Variants in BICRA observed in about 807,000 individuals in gnomAD.
BICRA encodes BRD4 interacting chromatin remodeling complex associated protein.
Under a neutral mutation model 96.9 loss-of-function variants are expected in BICRA, and 31 were observed. The observed-to-expected ratio is 0.32, with a 90% confidence interval of 0.24 to 0.43. The LOEUF is 0.43. BICRA is among the 20% of genes least tolerant of loss of function. BICRA has a pLI of 1.00. For missense variants in BICRA, 2,283 were observed against 2,190.3 expected (o/e 1.04, Z -0.84); for synonymous variants, 1,350 against 1,071.8 (o/e 1.26, Z -5.07).
chr19:47,649,338 A>G (rs531775822), intron 1 of BICRA, among the ~76,000 whole-genome samples: 4 of 152,298 alleles, frequency 2.6e-5, no homozygotes, highest in Non-Finnish European at 5.9e-5. Flanking sequence ...GAGCGCTGTT[A>G]TATGCCCTCT....
chr19:47,624,326 C>A (rs1972108687), intron 1 of BICRA, among the ~76,000 whole-genome samples: 1 of 152,166 alleles, frequency 6.6e-6, no homozygotes, highest in African/African-American at 2.4e-5. Flanking sequence ...TCCCCTGCTA[C>A]AAGCATACCC....
intron 1 of BICRA, among the ~76,000 whole-genome samples, chr19:47,659,404 A>G (rs1017535664): frequency 3.9e-5 from 6 of 152,328 alleles, no homozygotes; most frequent in African/African-American, 1.4e-4. Flanking sequence ...CTAGCTTTAA[A>G]ATAGACACAT....
rs576415831 is a variant in BICRA, at chr19:47,667,084, T to C, written c.-107-3359T>C. Among the ~76,000 whole-genome samples the C allele has an allele frequency of 2.0e-3, 297 of 151,286 alleles. 1 individual carries two copies. The highest frequency in any genetic ancestry group is 6.8e-3 in the African/African-American group (282 of 41,202). On this transcript the variant is annotated intron_variant, in intron 1 of 14. Transcript: ENST00000594866. The stretch of plus-strand genomic sequence containing the variant: ...CCCAGGCTGGAGTGCAGTGGCACGA[T>C]CTCGGCTCACTGCAACCTCCGCCTC...
chr19:47,682,541 A>T (rs1263709115), intron 7 of BICRA, among the ~76,000 whole-genome samples: 2 of 152,198 alleles, frequency 1.3e-5, no homozygotes, highest in African/African-American at 4.8e-5. Flanking sequence ...TGCATTTGTT[A>T]TCTGGATAGG....
At chr19:47,661,707 A>G (rs534353154) in intron 1 of BICRA, 1 of 152,330 alleles carries the variant, frequency 6.6e-6, no homozygotes, top group African/African-American at 2.4e-5. Context: ...GTGGTCATGG[A>G]CAGGAGGGCA....
intron 7 of BICRA, among the ~76,000 whole-genome samples, chr19:47,693,824 A>T (rs1464423581): frequency 6.6e-6 from 1 of 152,118 alleles, no homozygotes; most frequent in African/African-American, 2.4e-5. Flanking sequence ...TGTCTGGGGA[A>T]CTGCGAGGGG....
Position 47,679,629 on chromosome 19 carries a change from T to C in BICRA, c.459T>C (p.Ala153=). Residue 153 remains alanine (A), a synonymous_variant, in exon 6 of 15, where the codon GCT becomes GCC. Coordinates refer to ENST00000594866, the MANE Select transcript of BICRA (RefSeq NM_001394372.1). ...GCGCTGGAGGGGCAGCGGCCGTGGC[T>C]GCGGGGCCCCAAGCCCTCTTCCCAG... ...PTGAGGAAAV[A]AGPQALFPGS... is the part of the protein sequence containing the mutation. The C allele has an allele frequency of 6.6e-7, 1 of 1,514,442 alleles. No individual in the cohort carries two copies. 93.8% of individuals were successfully genotyped at this position (1,514,442 alleles called of 1,614,324 possible).
At position 47,653,893 on chromosome 19, in the gene BICRA, C is replaced by T. The variant is rs376442844; in HGVS notation, c.-107-16550C>T. On this transcript the variant is annotated intron_variant, in intron 1 of 14. Coordinates refer to ENST00000594866, the MANE Select transcript of BICRA (RefSeq NM_001394372.1). Reference sequence around the variant, plus strand: ...TGTTGCCCAGGCTGGAGTGCAGTGGCGCAATCTCAGCTCACTGCAACCTGT... The same window carrying T: ...TGTTGCCCAGGCTGGAGTGCAGTGGTGCAATCTCAGCTCACTGCAACCTGT... Among the ~76,000 whole-genome samples, 14 of 152,120 alleles carry T rather than the reference C, an allele frequency of 9.2e-5. No homozygotes were observed. In the East Asian group the frequency reaches 1.5e-3, roughly 17 times the overall value.
At chr19:47,646,044 G>A (rs1183793490) in intron 1 of BICRA, among the ~76,000 whole-genome samples, 3 of 152,220 alleles carry the variant, frequency 2.0e-5, no homozygotes, top group Non-Finnish European at 4.4e-5. Context: ...GCTGCAGTGA[G>A]CCATGATTGT....
At chr19:47,644,297 T>G (rs1972425850) in intron 1 of BICRA, among the ~76,000 whole-genome samples, 1 of 152,036 alleles carries the variant, frequency 6.6e-6, no homozygotes, top group East Asian at 1.9e-4. Context: ...GGTGTTGGGA[T>G]TACAGGTGTG....
At chr19:47,665,885 TACAC>T (rs1413757406) in intron 1 of BICRA, among the ~76,000 whole-genome samples, 2 of 152,210 alleles carry the variant, frequency 1.3e-5, no homozygotes, top group African/African-American at 2.4e-5. Flanking sequence ...CCCTTCCAGA[TACAC>T]ACACAGGCCA....
At chr19:47,657,149 C>T (rs575909322) in intron 1 of BICRA, among the ~76,000 whole-genome samples, 68 of 152,252 alleles carry the variant, frequency 4.5e-4, no homozygotes, top group Non-Finnish European at 8.2e-4. Context: ...GCGTGAGCCA[C>T]TGCGCCGGGC....
At chr19:47,621,118 C>T (rs930252344) in intron 1 of BICRA, among the ~76,000 whole-genome samples, 4 of 152,084 alleles carry the variant, frequency 2.6e-5, no homozygotes, top group African/African-American at 7.2e-5. Flanking sequence ...GCGGGGAAAC[C>T]GAGGCTCCAT....
chr19:47,613,401 G>T (rs954649410), intron 1 of BICRA, among the ~76,000 whole-genome samples: 11 of 152,164 alleles, frequency 7.2e-5, no homozygotes, highest in Admixed American at 6.5e-4. Flanking sequence ...TTTCCAGGCC[G>T]CCTGGGCTTG....
chr19:47,620,676 A>AAAC (rs891908391), intron 1 of BICRA, among the ~76,000 whole-genome samples: 2 of 150,654 alleles, frequency 1.3e-5, no homozygotes, highest in Non-Finnish European at 3.0e-5. Context: ...TCAAAAAAAA[A>AAAC]AAAAAAAAAA....
intron 1 of BICRA, among the ~76,000 whole-genome samples, chr19:47,630,023 C>G (rs1972198129): frequency 6.6e-6 from 1 of 152,072 alleles, no homozygotes; most frequent in African/African-American, 2.4e-5. Context: ...TATTGTGTAA[C>G]TGTCACCATT....
rs1025025933 is a variant in BICRA at position 47,702,761 on chromosome 19, G to A, written c.*346G>A. The stretch of plus-strand genomic sequence containing the variant: ...CCAGGGATGGGGCCACCGGGTTGAT[G>A]CCAACGCTCCGGGTGCCTGTCTTGT... On this transcript the variant is annotated 3_prime_UTR_variant, in exon 15 of 15. Transcript: ENST00000594866. 8 of 325,046 alleles carry A rather than the reference G, an allele frequency of 2.5e-5. No individual in the cohort carries two copies. The highest frequency in any genetic ancestry group is 3.4e-5 in the Non-Finnish European group (6 of 178,502). The allele number at this position is 325,046 out of a possible 1,614,324, so 20.1% of individuals were successfully genotyped here.
chr19:47,646,142 G>C (rs896073648), intron 1 of BICRA, among the ~76,000 whole-genome samples: 4 of 152,098 alleles, frequency 2.6e-5, no homozygotes, highest in South Asian at 2.1e-4. Flanking sequence ...CTCAGGGCAG[G>C]GGGGCGTCAG....
chr19:47,632,097 T>C (rs767086547), intron 1 of BICRA, among the ~76,000 whole-genome samples: 3 of 152,182 alleles, frequency 2.0e-5, no homozygotes, highest in Non-Finnish European at 2.9e-5. Context: ...ATGGGAGCCA[T>C]GGGAGGGCTT....
Sources: gnomAD v4.1 joint callset for allele counts (sites outside exome capture counted in the v4.1 genomes callset) on GRCh38, gnomAD v4.1.1 for gene constraint, MANE v1.5 for transcripts, NCBI Gene and HGNC (gene_info 2026-07-23, HGNC 2026-07-21) for gene names.